The following CUX1 variants were observed in gnomAD, a reference collection of about 807,000 sequenced individuals.
The protein encoded by CUX1 is protein CASP.
In CUX1, 31 loss-of-function variants were observed where a neutral mutation model predicts 158.8. The observed-to-expected ratio is 0.20, with a 90% confidence interval of 0.15 to 0.26. CUX1 has a LOEUF of 0.26. Among genes scored for constraint, CUX1 ranks in the 10% least tolerant of loss-of-function variants. The pLI, the probability that CUX1 is intolerant of heterozygous loss-of-function variation, is 1.00. For missense variants in CUX1, 1,589 were observed against 2,014.6 expected, an observed-to-expected ratio of 0.79 and a Z score of 4.04; for synonymous variants, 879 against 862.1, an observed-to-expected ratio of 1.02 and a Z score of -0.34.
intron 11 of CUX1, among the ~76,000 whole-genome samples, chr7:102,183,372 C>A (rs1400036389): frequency 6.6e-6 from 1 of 151,916 alleles, no homozygotes; most frequent in African/African-American, 2.4e-5. Flanking sequence ...CCCGTTGTCC[C>A]AGCTACCTGG....
intron 8 of CUX1, among the ~76,000 whole-genome samples, chr7:102,136,877 T>G (rs1417081029): frequency 2.0e-5 from 3 of 152,240 alleles, no homozygotes; most frequent in African/African-American, 7.2e-5. Context: ...CTGTTGTAAA[T>G]GAGACAGATC....
At chr7:102,012,777 A>G (rs566543831) in intron 2 of CUX1, among the ~76,000 whole-genome samples, 1 of 152,278 alleles carries the variant, frequency 6.6e-6, no homozygotes, top group South Asian at 2.1e-4. Flanking sequence ...GAATCAATGA[A>G]TGAATGAAGC....
chr7:102,073,315 A>C (rs897850493), intron 4 of CUX1, among the ~76,000 whole-genome samples: 5 of 151,342 alleles, frequency 3.3e-5, no homozygotes, highest in Admixed American at 6.6e-5. Flanking sequence ...CTGTGATTAC[A>C]GGCACCCATC....
At chr7:101,889,608 TA>T (rs1800639208) in intron 1 of CUX1, among the ~76,000 whole-genome samples, 1 of 151,922 alleles carries the variant, frequency 6.6e-6, no homozygotes, top group Non-Finnish European at 1.5e-5. Context: ...CCATTTCTAC[TA>T]AAAATACAAA....
chr7:102,190,651 C>A (rs1378460853), intron 12 of CUX1, among the ~76,000 whole-genome samples: 1 of 152,224 alleles, frequency 6.6e-6, no homozygotes, highest in Non-Finnish European at 1.5e-5. Flanking sequence ...TTGCCTAGGG[C>A]ATGGTGACCA....
intron 23 of CUX1, among the ~76,000 whole-genome samples, chr7:102,240,843 C>T (rs1277706296): frequency 2.6e-5 from 4 of 152,086 alleles, no homozygotes; most frequent in African/African-American, 4.8e-5. Context: ...TTGTTTGAGA[C>T]GGAGCCTTGC....
chr7:101,963,032 G>T (rs1315253389), intron 2 of CUX1, among the ~76,000 whole-genome samples: 1 of 152,130 alleles, frequency 6.6e-6, no homozygotes, highest in Non-Finnish European at 1.5e-5. Flanking sequence ...TTCTGGTTTG[G>T]CCAAGGGATT....
intron 14 of CUX1, among the ~76,000 whole-genome samples, chr7:102,196,001 A>G (rs1794762599): frequency 6.6e-6 from 1 of 152,182 alleles, no homozygotes; most frequent in Admixed American, 6.5e-5. Flanking sequence ...TGCCGGGTCC[A>G]GTAGAGGTTT....
chr7:102,191,753 CTCT>C (rs1304034405), intron 12 of CUX1, among the ~76,000 whole-genome samples: 6 of 151,672 alleles, frequency 4.0e-5, no homozygotes, highest in Non-Finnish European at 7.4e-5. Flanking sequence ...CTTCCTCCTC[CTCT>C]TCTTCTTTCT....
intron 4 of CUX1, among the ~76,000 whole-genome samples, chr7:102,094,451 T>C (rs1477424661): frequency 6.6e-6 from 1 of 152,216 alleles, no homozygotes; most frequent in Non-Finnish European, 1.5e-5. Flanking sequence ...TGAAAATTGG[T>C]GTAAAGGTCT....
intron 2 of CUX1, among the ~76,000 whole-genome samples, chr7:101,921,304 C>T (rs1804895303): frequency 2.0e-5 from 3 of 152,050 alleles, no homozygotes; most frequent in East Asian, 1.9e-4. Context: ...AGAAGGGCTG[C>T]GCACAGGCCT....
At chr7:101,849,508 CCT>C (rs1257234011) in intron 1 of CUX1, among the ~76,000 whole-genome samples, 1 of 152,102 alleles carries the variant, frequency 6.6e-6, no homozygotes, top group Non-Finnish European at 1.5e-5. Flanking sequence ...AAGGACGTGA[CCT>C]CTTTCTTTTT....
chr7:101,816,915 C>T (rs1259722878), upstream of CUX1: 374 of 981,204 alleles, frequency 3.8e-4, 1 homozygote, highest in Non-Finnish European at 4.3e-4. Context: ...TGGCTCCCGG[C>T]GCGGACCCCC....
In CUX1 at chr7:102,251,472, T is replaced by G; in HGVS notation, c.*2430T>G. ...CTACACTAAAGACAATGCCTTTTCA[T>G]GAATAAGAAGTTTTCAGAAGGCTCT... On this transcript the variant is annotated 3_prime_UTR_variant, in exon 24 of 24. Coordinates refer to ENST00000292535, the MANE Select transcript of CUX1 (RefSeq NM_181552.4). The G allele has an allele frequency of 1.0e-6, 1 of 985,454 alleles. No homozygotes were observed. Among genetic ancestry groups the G allele is most frequent in the Non-Finnish European group, 1.2e-6 (1 of 829,936 alleles). 61.0% of individuals were successfully genotyped at this position (985,454 alleles called of 1,614,324 possible).
chr7:102,121,066 AAATAAT>A (rs1182575940), intron 8 of CUX1, among the ~76,000 whole-genome samples: 2 of 152,226 alleles, frequency 1.3e-5, no homozygotes, highest in African/African-American at 4.8e-5. Flanking sequence ...CCATCTCTAA[AAATAAT>A]AATAATAATT....
intron 4 of CUX1, among the ~76,000 whole-genome samples, chr7:102,090,336 CAGCT>C (rs1451119002): frequency 7.9e-5 from 12 of 151,180 alleles, no homozygotes; most frequent in Non-Finnish European, 1.2e-4. Context: ...TGTTGAAACT[CAGCT>C]AGTCAATTTT....
intron 2 of CUX1, among the ~76,000 whole-genome samples, chr7:102,000,455 T>C (rs1164071397): frequency 2.6e-5 from 4 of 152,222 alleles, no homozygotes; most frequent in Non-Finnish European, 5.9e-5. Context: ...GAAGATCGCA[T>C]CTTGAGTTCT....
At chr7:102,211,761 A>G (rs1335438310) in intron 20 of CUX1, among the ~76,000 whole-genome samples, 1 of 146,612 alleles carries the variant, frequency 6.8e-6, no homozygotes, top group Non-Finnish European at 1.5e-5. Context: ...GCAGGGTGAC[A>G]AGAGTGAAAC....
chr7:101,998,054 G>A (rs1364284894), intron 2 of CUX1, among the ~76,000 whole-genome samples: 1 of 152,204 alleles, frequency 6.6e-6, no homozygotes, highest in Non-Finnish European at 1.5e-5. Context: ...AAAGTGCAGT[G>A]TGGAACTGTG....
Sources: allele counts gnomAD v4.1 joint callset (sites outside exome capture counted in the v4.1 genomes callset), GRCh38; gene constraint gnomAD v4.1.1; transcripts MANE v1.5; gene names NCBI Gene and HGNC (gene_info 2026-07-23, HGNC 2026-07-21).